Variants in ANKFN1 observed in about 807,000 individuals in gnomAD.
ANKFN1 encodes the protein ankyrin repeat and fibronectin type III domain containing 1, also known as ankyrin repeat and fibronectin type-III domain-containing protein 1.
A neutral mutation model predicts 108.7 loss-of-function variants in ANKFN1; 74 were observed. That is an observed-to-expected ratio of 0.68 (90% confidence interval 0.56 to 0.83). The LOEUF is 0.83. Among genes scored for constraint, ANKFN1 ranks in the 40% least tolerant of loss-of-function variants. ANKFN1 has a pLI of 0.00. For synonymous variants in ANKFN1, 547 were observed against 516.2 expected, an observed-to-expected ratio of 1.06 and a Z score of -0.81; for missense variants, 1,505 against 1,382.3, an observed-to-expected ratio of 1.09 and a Z score of -1.41.
intron 2 of ANKFN1, among the ~76,000 whole-genome samples, chr17:56,225,165 C>T (rs1916170817): frequency 1.3e-5 from 2 of 152,098 alleles, no homozygotes; most frequent in African/African-American, 2.4e-5. Flanking sequence ...GCCAGTTCCT[C>T]CTGCCCAGGG....
At chr17:56,326,048 TC>T (rs1284856394) in intron 3 of ANKFN1, among the ~76,000 whole-genome samples, 172 bp from the exon 4 acceptor site, 1 of 152,188 alleles carries the variant, frequency 6.6e-6, no homozygotes, top group African/African-American at 2.4e-5. Flanking sequence ...AATCAAGCCT[TC>T]CCCAGGCTGC....
At chr17:56,332,299 A>G (rs778457483) in intron 4 of ANKFN1, among the ~76,000 whole-genome samples, 2 of 152,102 alleles carry the variant, frequency 1.3e-5, no homozygotes, top group Non-Finnish European at 2.9e-5. Flanking sequence ...GGTGCTTGTG[A>G]AGCCAACATG....
At chr17:56,196,820 G>A (rs947342108) in intron 1 of ANKFN1, among the ~76,000 whole-genome samples, 1 of 152,180 alleles carries the variant, frequency 6.6e-6, no homozygotes, top group Admixed American at 6.5e-5. Context: ...CTGTTCTGGT[G>A]CCTGATAGAA....
intron 8 of ANKFN1, among the ~76,000 whole-genome samples, chr17:56,405,680 A>G (rs2047899871): frequency 6.6e-6 from 1 of 152,198 alleles, no homozygotes; most frequent in Admixed American, 6.6e-5. Context: ...AATTAAATAA[A>G]TTATCATACA....
intron 3 of ANKFN1, among the ~76,000 whole-genome samples, chr17:56,271,338 G>A (rs2043789165): frequency 6.6e-6 from 1 of 152,138 alleles, no homozygotes; most frequent in South Asian, 2.1e-4. Context: ...CCACCAAACT[G>A]TAAGCTCCAG....
chr17:56,227,820 T>C, intron 2 of ANKFN1, 97 bp from the exon 3 acceptor site: 7 of 950,316 alleles, frequency 7.4e-6, no homozygotes, highest in Non-Finnish European at 1.6e-6. Flanking sequence ...CTCTCTCTTT[T>C]TTTTTTCAAT....
chr17:56,449,437 C>T (rs2049412278), intron 11 of ANKFN1, among the ~76,000 whole-genome samples: 1 of 152,070 alleles, frequency 6.6e-6, no homozygotes, highest in South Asian at 2.1e-4. Context: ...AGAAAAACAG[C>T]AGCTGCCATG....
intron 8 of ANKFN1, among the ~76,000 whole-genome samples, chr17:56,401,839 G>A (rs768008759): frequency 3.9e-5 from 6 of 152,058 alleles, no homozygotes; most frequent in Non-Finnish European, 5.9e-5. Flanking sequence ...TGTCATAAAT[G>A]GCTTTTATTA....
chr17:56,120,891 C>G (rs1458028267), intron 4 of ANKFN1, among the ~76,000 whole-genome samples: 1 of 152,114 alleles, frequency 6.6e-6, no homozygotes, highest in African/African-American at 2.4e-5. Context: ...ACCTATAACC[C>G]TTGCCCCATA....
chr17:56,374,808 AC>A, intron 8 of ANKFN1, 94 bp downstream of exon 8: 1 of 992,648 alleles, frequency 1.0e-6, no homozygotes, highest in Non-Finnish European at 1.5e-6. Flanking sequence ...TGTTTTTCCT[AC>A]TGATAGGAAT....
chr17:56,197,749 G>A (rs562493668), intron 1 of ANKFN1, among the ~76,000 whole-genome samples: 2 of 152,354 alleles, frequency 1.3e-5, no homozygotes, highest in African/African-American at 4.8e-5. Context: ...TTTAAACCAA[G>A]TGGAAAATAA....
intron 8 of ANKFN1, among the ~76,000 whole-genome samples, chr17:56,383,489 C>A (rs1199402653): frequency 6.6e-6 from 1 of 152,032 alleles, no homozygotes; most frequent in South Asian, 2.1e-4. Context: ...CAGAGCAGAA[C>A]TGAAGGAATT....
chr17:56,479,352 T>G (rs1327818744), intron 16 of ANKFN1, among the ~76,000 whole-genome samples: 2 of 152,218 alleles, frequency 1.3e-5, no homozygotes, highest in Non-Finnish European at 2.9e-5. Context: ...GTCCTTTAGG[T>G]TTATGCGTGC....
At chr17:56,372,915 G>T (rs1362613543) in intron 7 of ANKFN1, 75 bp downstream of exon 7, 3 of 1,482,230 alleles carry the variant, frequency 2.0e-6, no homozygotes, top group Non-Finnish European at 2.7e-6. Flanking sequence ...TTCTTTTACA[G>T]ATTTTTTTTT....
chr17:56,047,051 G>A (rs1162198499), intron 4 of ANKFN1, among the ~76,000 whole-genome samples: 6 of 152,146 alleles, frequency 3.9e-5, no homozygotes. Context: ...GAAGTTGAAA[G>A]GAGACAGGTA....
intron 4 of ANKFN1, among the ~76,000 whole-genome samples, chr17:56,140,811 C>A (rs1718235178): frequency 6.6e-6 from 1 of 152,144 alleles, no homozygotes; most frequent in East Asian, 1.9e-4. Context: ...TATCTCTTAC[C>A]CTATGTTCAC....
intron 1 of ANKFN1, among the ~76,000 whole-genome samples, chr17:56,165,364 A>G (rs1222356380): frequency 6.6e-6 from 1 of 152,164 alleles, no homozygotes; most frequent in Non-Finnish European, 1.5e-5. Flanking sequence ...ACACAAGACC[A>G]CTATTAACTA....
At position 56,418,971 on chromosome 17, in the gene ANKFN1, G is replaced by A. The variant is rs573639240; in HGVS notation, c.911-21356G>A. On this transcript the variant is annotated intron_variant, in intron 8 of 20. Transcript: ENST00000682825. ...AACAAGAGAAGCTTGGTTCAACTCC[G>A]ATCTCAGGGGGATTAGAGTAACATG... Among the ~76,000 whole-genome samples the A allele has an allele frequency of 3.9e-5, 6 of 152,294 alleles. No individual in the cohort carries two copies. The East Asian group carries it at 7.7e-4, about 20-fold the overall frequency.
intron 8 of ANKFN1, among the ~76,000 whole-genome samples, chr17:56,425,272 A>T (rs1297829468): frequency 6.6e-6 from 1 of 152,184 alleles, no homozygotes; most frequent in African/African-American, 2.4e-5. Flanking sequence ...TTGGTGGGTA[A>T]CAGGAAGTCA....
Sources: allele counts gnomAD v4.1 joint callset (sites outside exome capture counted in the v4.1 genomes callset), GRCh38; gene constraint gnomAD v4.1.1; transcripts MANE v1.5; gene names NCBI Gene and HGNC (gene_info 2026-07-23, HGNC 2026-07-21).